NBAS: variants seen among roughly 807,000 people sequenced by gnomAD.
NBAS encodes NBAS subunit of NRZ tethering complex, also known as NAG/BC035112 fusion.
A neutral mutation model predicts 302.5 loss-of-function variants in NBAS; 219 were observed. That is an observed-to-expected ratio of 0.72 (90% CI 0.65 to 0.81). NBAS has a LOEUF of 0.81. NBAS is among the 30% of genes least tolerant of loss of function. The pLI is 0.00. For synonymous variants in NBAS, 1,118 were observed against 1,021.6 expected, an observed-to-expected ratio of 1.09 and a Z score of -1.80; for missense variants, 2,932 against 2,841.6, an observed-to-expected ratio of 1.03 and a Z score of -0.72.
chr2:14,816,804 GATA>G, the NBAS span, among the ~76,000 whole-genome samples: 2 of 152,134 alleles, frequency 1.3e-5, no homozygotes, highest in Admixed American at 1.3e-4. Flanking sequence ...TATTCCCAGA[GATA>G]ATAAAGATCA....
the NBAS span, among the ~76,000 whole-genome samples, chr2:14,983,286 A>G: frequency 6.6e-6 from 1 of 152,230 alleles, no homozygotes; most frequent in Non-Finnish European, 1.5e-5. Flanking sequence ...ATTTTAATCC[A>G]GGTGCAAGAA....
At chr2:15,097,673 G>A in the NBAS span, among the ~76,000 whole-genome samples, 1 of 150,808 alleles carries the variant, frequency 6.6e-6, no homozygotes, top group Non-Finnish European at 1.5e-5. Context: ...CTTTTATGAG[G>A]ACACTAATCC....
intron 32 of NBAS, among the ~76,000 whole-genome samples, chr2:15,363,177 C>T (rs144918238): frequency 6.6e-6 from 1 of 152,212 alleles, no homozygotes; most frequent in African/African-American, 2.4e-5. Context: ...TGCTCCTGAT[C>T]TTCTCTTCCT....
rs193039810 is a variant in NBAS, at chr2:15,440,320, G to A, written c.2340-12526C>T. 9.2e-5 allele frequency among the ~76,000 whole-genome samples: 14 copies of A among 152,282 alleles called. No homozygotes were observed. In the East Asian group the frequency reaches 1.2e-3, roughly 13 times the overall value. ...CTCCGCTGAGACAAAACTTCCAGAGGAATGATCAGACAGCAGCATTCGCGG... is the reference window on the plus strand; with the variant it reads ...CTCCGCTGAGACAAAACTTCCAGAGAAATGATCAGACAGCAGCATTCGCGG... On this transcript the variant is annotated intron_variant, in intron 21 of 51. Transcript: ENST00000281513.
chr2:15,330,865 T>C (rs1672309695), intron 35 of NBAS, 100 bp from the exon 36 acceptor site: 6 of 1,287,518 alleles, frequency 4.7e-6, no homozygotes, highest in African/African-American at 1.5e-5. Context: ...GATATTAAAC[T>C]TGAAGACAGA....
At chr2:15,383,344 G>A in intron 28 of NBAS, 27 bp from the exon 29 acceptor site, 1 of 1,591,122 alleles carries the variant, frequency 6.3e-7, no homozygotes, top group South Asian at 1.1e-5. Context: ...AAAAGACAAG[G>A]AAGAGGGAAA....
chr2:15,058,657 A>C, the NBAS span, among the ~76,000 whole-genome samples: 1 of 152,188 alleles, frequency 6.6e-6, no homozygotes, highest in South Asian at 2.1e-4. Flanking sequence ...AACATCCTTG[A>C]GGCAGAAATG....
At chr2:15,215,711 A>G (rs1666620716) in intron 48 of NBAS, among the ~76,000 whole-genome samples, 1 of 152,058 alleles carries the variant, frequency 6.6e-6, no homozygotes, top group Non-Finnish European at 1.5e-5. Flanking sequence ...TGTGTGAGAG[A>G]AATGATGAGG....
chr2:14,974,856 C>T, the NBAS span, among the ~76,000 whole-genome samples: 1 of 152,208 alleles, frequency 6.6e-6, no homozygotes, highest in African/African-American at 2.4e-5. Flanking sequence ...GGATAGTTGT[C>T]TGGATGGATC....
At chr2:15,540,399 C>T (rs1213838369) in intron 6 of NBAS, among the ~76,000 whole-genome samples, 1 of 151,990 alleles carries the variant, frequency 6.6e-6, no homozygotes, top group Non-Finnish European at 1.5e-5. Context: ...CAGGTCTCAC[C>T]ATCTCCTGCT....
chr2:14,952,179 G>A, the NBAS span, among the ~76,000 whole-genome samples: 1 of 152,192 alleles, frequency 6.6e-6, no homozygotes, highest in Non-Finnish European at 1.5e-5. Flanking sequence ...CCCAGTAGCA[G>A]CAGCACCTTA....
In NBAS at chr2:15,467,283, G is replaced by T. The variant is rs1272053530; in HGVS notation, c.2097+46C>A. 2.3e-6 allele frequency: 3 copies of T among 1,321,960 alleles called. No individual in the cohort carries two copies. The Admixed American group carries it at 5.0e-5, about 22-fold the overall frequency. 81.9% of individuals were successfully genotyped at this position (1,321,960 alleles called of 1,614,324 possible). On this transcript the variant is annotated intron_variant, in intron 19 of 51. Transcript: ENST00000281513. ...TTAGGGCAGCCATAGCATTTATAAT[G>T]ACAGATCAAATGAACATAATTGGTT...
At chr2:14,842,398 G>A in the NBAS span, among the ~76,000 whole-genome samples, 1 of 151,602 alleles carries the variant, frequency 6.6e-6, no homozygotes, top group Non-Finnish European at 1.5e-5. Context: ...TTTTGAAAAG[G>A]TAAACAAAAT....
chr2:15,341,377 C>T (rs1256993168), intron 35 of NBAS, among the ~76,000 whole-genome samples: 1 of 149,436 alleles, frequency 6.7e-6, no homozygotes. Flanking sequence ...CAGAGCGAGA[C>T]ACTATCTCTA....
chr2:14,858,986 C>T, the NBAS span, among the ~76,000 whole-genome samples: 1 of 151,768 alleles, frequency 6.6e-6, no homozygotes, highest in African/African-American at 2.4e-5. Context: ...ATGAAAAACA[C>T]AAATTCAGTA....
At chr2:14,921,705 GA>G in the NBAS span, among the ~76,000 whole-genome samples, 1 of 152,138 alleles carries the variant, frequency 6.6e-6, no homozygotes, top group South Asian at 2.1e-4. Flanking sequence ...GTGAATAAGC[GA>G]GTGTGTGTGT....
the NBAS span, among the ~76,000 whole-genome samples, chr2:15,139,102 T>C: frequency 5.0e-3 from 760 of 152,364 alleles, 8 homozygotes; most frequent in African/African-American, 0.017. Context: ...AGCTGCGAGA[T>C]AATAAAGAAT....
the NBAS span, among the ~76,000 whole-genome samples, chr2:15,052,807 A>G: frequency 2.0e-5 from 3 of 152,234 alleles, no homozygotes; most frequent in South Asian, 2.1e-4. Context: ...CTTAATAGAT[A>G]AGGGAATTTA....
At chr2:15,454,672 C>G (rs1382953249) in intron 21 of NBAS, among the ~76,000 whole-genome samples, 1 of 152,124 alleles carries the variant, frequency 6.6e-6, no homozygotes, top group African/African-American at 2.4e-5. Context: ...CATCTACCAG[C>G]TACTTCAGTT....
Sources: allele counts gnomAD v4.1 joint callset (sites outside exome capture counted in the v4.1 genomes callset), GRCh38; gene constraint gnomAD v4.1.1; transcripts MANE v1.5; gene names NCBI Gene and HGNC (gene_info 2026-07-23, HGNC 2026-07-21).